The following GABRG2 variants were observed in gnomAD, a reference collection of about 807,000 sequenced individuals.
GABRG2 encodes the protein gamma-aminobutyric acid receptor subunit gamma-2.
In GABRG2, 16 loss-of-function variants were observed where a neutral mutation model predicts 56.4. The observed-to-expected ratio is 0.28, with a 90% confidence interval of 0.19 to 0.43. GABRG2 has a LOEUF of 0.43. GABRG2 is among the 20% of genes least tolerant of loss of function. GABRG2 has a pLI of 1.00. For missense variants in GABRG2, 327 were observed against 582.7 expected (o/e 0.56, Z 4.52); for synonymous variants, 208 against 205.5 (o/e 1.01, Z -0.10).
Position 162,152,802 on chromosome 5 carries a change from G to A in GABRG2, c.1153-291G>A, listed in dbSNP as rs1765467253. ...AATACTTACTAGAATAAGATTCCAT[G>A]TAATTTGATTTAAATATTTAACTTT... On this transcript the variant is annotated intron_variant, in intron 9 of 9. Transcript: ENST00000639213. 1.0e-5 allele frequency: 6 copies of A among 591,398 alleles called. No homozygotes were observed. In the South Asian group the frequency reaches 1.3e-4, roughly 12 times the overall value. The allele number at this position is 591,398 out of a possible 1,614,324, so 36.6% of individuals were successfully genotyped here. A position where few individuals can be genotyped will look rare whatever the true frequency, so the allele number is the denominator to read the frequency against.
intron 6 of GABRG2, among the ~76,000 whole-genome samples, chr5:162,110,373 C>G (rs1581379216): frequency 6.6e-6 from 1 of 152,044 alleles, no homozygotes; most frequent in South Asian, 2.1e-4. Flanking sequence ...GTCTCTGCTC[C>G]TATTTATTTT....
intron 6 of GABRG2, among the ~76,000 whole-genome samples, chr5:162,130,536 C>G (rs934440753): frequency 6.6e-6 from 1 of 151,846 alleles, no homozygotes; most frequent in African/African-American, 2.4e-5. Context: ...TACCCAGGCT[C>G]ATCAAAAGGG....
At chr5:162,071,513 G>T (rs1393092006) in intron 1 of GABRG2, among the ~76,000 whole-genome samples, 1 of 151,838 alleles carries the variant, frequency 6.6e-6, no homozygotes, top group African/African-American at 2.4e-5. Flanking sequence ...AGAAAATACA[G>T]TTAATGGTTT....
At chr5:162,080,915 G>A (rs186968150) in intron 1 of GABRG2, among the ~76,000 whole-genome samples, 3 of 152,220 alleles carry the variant, frequency 2.0e-5, no homozygotes, top group Admixed American at 6.5e-5. Context: ...TAACTAATGT[G>A]TGTAAATAGA....
intron 1 of GABRG2, among the ~76,000 whole-genome samples, chr5:162,069,745 A>G (rs764434744): frequency 6.6e-6 from 1 of 152,216 alleles, no homozygotes; most frequent in African/African-American, 2.4e-5. Flanking sequence ...CTTATATGTA[A>G]TACAATTTGG....
intron 6 of GABRG2, among the ~76,000 whole-genome samples, chr5:162,127,915 T>C (rs1328405119): frequency 6.6e-6 from 1 of 151,906 alleles, no homozygotes; most frequent in Non-Finnish European, 1.5e-5. Flanking sequence ...CACATGGACG[T>C]AGTGAGAGCA....
intron 6 of GABRG2, among the ~76,000 whole-genome samples, chr5:162,106,941 T>C (rs1265908164): frequency 6.6e-6 from 1 of 152,120 alleles, no homozygotes; most frequent in Non-Finnish European, 1.5e-5. Context: ...GTATGGATTA[T>C]TTTGTCACCC....
intron 6 of GABRG2, among the ~76,000 whole-genome samples, chr5:162,130,088 T>A (rs1336010479): frequency 6.6e-6 from 1 of 151,926 alleles, no homozygotes; most frequent in Non-Finnish European, 1.5e-5. Flanking sequence ...CTCTATATAG[T>A]ATGGTAAAGT....
intron 1 of GABRG2, among the ~76,000 whole-genome samples, chr5:162,069,878 C>A (rs765353772): frequency 1.5e-4 from 23 of 152,070 alleles, no homozygotes; most frequent in Non-Finnish European, 2.8e-4. Flanking sequence ...AAGAAAATAT[C>A]TTTCCCCTAT....
intron 6 of GABRG2, among the ~76,000 whole-genome samples, chr5:162,124,558 T>TTTTG (rs540576007): frequency 1.5e-4 from 22 of 151,510 alleles, no homozygotes; most frequent in African/African-American, 2.9e-4. Flanking sequence ...TGTTTTTTGA[T>TTTTG]TTTGTTTGTT....
At chr5:162,086,260 T>C (rs1311981121) in intron 1 of GABRG2, among the ~76,000 whole-genome samples, 1 of 152,030 alleles carries the variant, frequency 6.6e-6, no homozygotes, top group Admixed American at 6.6e-5. Context: ...TCCACAAATA[T>C]TGAATCTTCT....
intron 6 of GABRG2, among the ~76,000 whole-genome samples, chr5:162,119,552 G>T (rs559563505): frequency 2.2e-4 from 33 of 152,186 alleles, no homozygotes; most frequent in African/African-American, 7.5e-4. Context: ...GGCCTCCCAT[G>T]TTCCCAAATA....
Position 162,067,852 on chromosome 5 carries a change from T to A in GABRG2, c.-148T>A, listed in dbSNP as rs1465813236. 1 of 675,066 alleles carries A rather than the reference T, an allele frequency of 1.5e-6. No homozygotes were observed. Among genetic ancestry groups the A allele is most frequent in the East Asian group, 2.7e-5 (1 of 37,384 alleles). The allele number at this position is 675,066 out of a possible 1,614,324, so 41.8% of individuals were successfully genotyped here. ...CCCCCTGAATATTAATTCCCTAATC[T>A]GGTAGCAATCCATCTCCCCAGTGAA... On this transcript the variant is annotated 5_prime_UTR_variant, in exon 1 of 10. Coordinates refer to ENST00000639213, the MANE Select transcript of GABRG2 (RefSeq NM_198904.4).
At chr5:162,151,942 A>G (rs1016936213) in intron 9 of GABRG2, 189 bp downstream of exon 9, 9 of 514,856 alleles carry the variant, frequency 1.7e-5, no homozygotes, top group African/African-American at 9.8e-5. Context: ...ATAGGTTTTA[A>G]TCTTACACCA....
At chr5:162,146,968 TCAGA>T (rs757882532) in intron 7 of GABRG2, among the ~76,000 whole-genome samples, 43 of 152,340 alleles carry the variant, frequency 2.8e-4, no homozygotes, top group East Asian at 1.7e-3. Flanking sequence ...CAAAAATGGC[TCAGA>T]CAAAGACTTG....
At chr5:162,152,683 A>G (rs767435433) in intron 9 of GABRG2, 22 of 385,848 alleles carry the variant, frequency 5.7e-5, no homozygotes, top group Non-Finnish European at 9.4e-5. Flanking sequence ...TAAGCATGAC[A>G]CAATATTTGA....
chr5:162,095,746 A>G (rs1281792063), intron 3 of GABRG2, among the ~76,000 whole-genome samples, 184 bp downstream of exon 3: 1 of 152,086 alleles, frequency 6.6e-6, no homozygotes, highest in African/African-American at 2.4e-5. Context: ...AAGTATTTTT[A>G]TGAGAATTAA....
intron 6 of GABRG2, among the ~76,000 whole-genome samples, chr5:162,109,578 A>G (rs210986): frequency 0.8 from 120,348 of 151,134 alleles, 48,043 homozygotes; most frequent in South Asian, 0.85. Flanking sequence ...AATAGTCATA[A>G]TGGACTATTA....
chr5:162,079,214 G>A (rs1444557421), intron 1 of GABRG2, among the ~76,000 whole-genome samples: 2 of 152,000 alleles, frequency 1.3e-5, no homozygotes, highest in Non-Finnish European at 2.9e-5. Flanking sequence ...CCCTTTGCAC[G>A]TGCAGCTCAA....
Sources: gnomAD v4.1 joint callset for allele counts (sites outside exome capture counted in the v4.1 genomes callset) on GRCh38, gnomAD v4.1.1 for gene constraint, MANE v1.5 for transcripts, NCBI Gene and HGNC (gene_info 2026-07-23, HGNC 2026-07-21) for gene names.